The following TMEM270 variants were observed in gnomAD, a reference collection of about 807,000 sequenced individuals.
TMEM270 encodes transmembrane protein 270.
Under a neutral mutation model 29.9 loss-of-function variants are expected in TMEM270, and 30 were observed. The observed-to-expected ratio is 1.00, with a 90% CI of 0.75 to 1.36. TMEM270 has a LOEUF of 1.36. Among genes scored for constraint, TMEM270 ranks in the 40% most tolerant of loss-of-function variants. The pLI is 0.00. For synonymous variants in TMEM270, 135 were observed against 139.8 expected (o/e 0.97, Z 0.24); for missense variants, 313 against 307.1 (o/e 1.02, Z -0.14).
At chr7:73,862,648 G>A (rs1788813464) in intron 1 of TMEM270, among the ~76,000 whole-genome samples, 1 of 151,672 alleles carries the variant, frequency 6.6e-6, no homozygotes, top group Non-Finnish European at 1.5e-5. Flanking sequence ...ATCACCTGAG[G>A]TCAGGAGTTC....
intron 1 of TMEM270, among the ~76,000 whole-genome samples, chr7:73,862,255 C>T (rs1554639402): frequency 2.7e-5 from 4 of 149,678 alleles, no homozygotes. Context: ...TACAGGCGTG[C>T]GCCACCACGC....
rs1335248945 is a variant in TMEM270, at chr7:73,861,444, ATTTTCTTTTC to A, written c.72+187_72+196del. 4.6e-6 allele frequency: 3 copies of A among 654,726 alleles called. No homozygotes were observed. The African/African-American group carries it at 5.4e-5, about 12-fold the overall frequency. The allele number at this position is 654,726 out of a possible 1,614,324, so 40.6% of individuals were successfully genotyped here. ...CCCCACTCCAAACTACAGTGCTGAC[ATTTTCTTTTC>A]TTTTCTTTATTTAGAGACAGGGTCT... On this transcript the variant is annotated intron_variant, in intron 1 of 2. Transcript: ENST00000320531.
chr7:73,861,293 G>A lies in TMEM270; in HGVS notation c.72+27G>A, dbSNP rs782424600. The A allele has an allele frequency of 6.9e-6, 10 of 1,457,790 alleles. No homozygotes were observed. The South Asian group carries it at 6.9e-5, about 10-fold the overall frequency. The allele number at this position is 1,457,790 out of a possible 1,614,324, so 90.3% of individuals were successfully genotyped here. ...TGAGTGGGGGCTGGGGGTAAGTGGG[G>A]TGGGGACCACACACCAGGCCCTTCA... On this transcript the variant is annotated intron_variant, in intron 1 of 2. Coordinates refer to ENST00000320531, the MANE Select transcript of TMEM270 (RefSeq NM_182504.4).
intron 1 of TMEM270, among the ~76,000 whole-genome samples, chr7:73,864,114 C>CAAAAAAAA (rs34181696): frequency 6.2e-5 from 5 of 80,998 alleles, no homozygotes; most frequent in Admixed American, 3.2e-4. Flanking sequence ...CCCGCCTCTA[C>CAAAAAAAA]AAAAAAAAAA....
chr7:73,861,282 G>T lies in TMEM270; in HGVS notation c.72+16G>T. ...CTCAGTGCTGGTGAGTGGGGGCTGG[G>T]GGTAAGTGGGGTGGGGACCACACAC... On this transcript the variant is annotated intron_variant, in intron 1 of 2. Transcript: ENST00000320531. 6.7e-7 allele frequency: 1 copy of T among 1,496,362 alleles called. No individual in the cohort carries two copies. Among genetic ancestry groups the T allele is most frequent in the Non-Finnish European group, 9.3e-7 (1 of 1,073,420 alleles). 92.7% of individuals were successfully genotyped at this position (1,496,362 alleles called of 1,614,324 possible). A position where few individuals can be genotyped will look rare whatever the true frequency, so the allele number is the denominator to read the frequency against.
rs782499433 is a variant in TMEM270 at position 73,865,788 on chromosome 7, G to A, written c.713G>A (p.Gly238Glu). The change falls in exon 3 of 3, where the codon GGG (glycine) becomes GAG (glutamate). Residue 238 changes from glycine (G) to glutamate (E), a missense_variant. By Grantham distance (98) the Gly-to-Glu change is moderately conservative (BLOSUM62 -2). Transcript: ENST00000320531. ...GAGGTTGAACCCCAGGAGGTCTCAG[G>A]GTCTTCCTTGCTGCCCTCACTGTCT... The part of the protein sequence containing the change: ...AQEVEPQEVS[G>E]SSLLPSLSAS... 6 of 1,613,884 alleles carry A rather than the reference G, an allele frequency of 3.7e-6. No individual in the cohort carries two copies. Among genetic ancestry groups the A allele is most frequent in the East Asian group, 4.5e-5 (2 of 44,890 alleles).
At chr7:73,864,822 G>A (rs536792385) in intron 1 of TMEM270, among the ~76,000 whole-genome samples, 171 bp from the exon 2 acceptor site, 10 of 150,166 alleles carry the variant, frequency 6.7e-5, no homozygotes, top group South Asian at 2.1e-4. Context: ...AGAATCGCCC[G>A]AAACCGGGAA....
In TMEM270 at chr7:73,865,243, G is replaced by T. The variant is rs574269231; in HGVS notation, c.323G>T (p.Gly108Val). ...MWAGMWGSTK[G>V]LGLALLSAWE... ...GCTGGCATGTGGGGCAGCACCAAGG[G>T]CCTGGGCCTGGCCTTGCTCAGTGCC... The change falls in exon 2 of 3, where the codon GGC becomes GTC. Residue 108 changes from glycine to valine, a missense_variant. By Grantham distance (109) the Gly-to-Val change is moderately radical. Transcript: ENST00000320531. The T allele has an allele frequency of 8.1e-6, 13 of 1,613,600 alleles. No individual in the cohort carries two copies. The highest frequency in any genetic ancestry group is 1.6e-4 in the Middle Eastern group (1 of 6,062).
Position 73,865,163 on chromosome 7 carries a change from G to A in TMEM270, c.243G>A (p.Leu81=). Residue 81 remains leucine (L), a synonymous_variant, in exon 2 of 3, where the codon CTG becomes CTA. Transcript: ENST00000320531. ...CPLGQALWAG[L]ALIQVPVWLV... Reference sequence around the variant, plus strand: ...TGGGCCAGGCTCTCTGGGCTGGGCTGGCTCTGATACAGGTCCCCGTATGGC... The same window carrying A: ...TGGGCCAGGCTCTCTGGGCTGGGCTAGCTCTGATACAGGTCCCCGTATGGC... 6.2e-7 allele frequency: 1 copy of A among 1,612,252 alleles called. No homozygotes were observed. The highest frequency in any genetic ancestry group is 8.5e-7 in the Non-Finnish European group (1 of 1,178,610).
Sources: allele counts gnomAD v4.1 joint callset (sites outside exome capture counted in the v4.1 genomes callset), GRCh38; gene constraint gnomAD v4.1.1; transcripts MANE v1.5; gene names NCBI Gene and HGNC (gene_info 2026-07-23, HGNC 2026-07-21).